WDPCP: variants seen among roughly 807,000 people sequenced by gnomAD.
WDPCP encodes WD repeat-containing and planar cell polarity effector protein fritz homolog.
A neutral mutation model predicts 93.1 loss-of-function variants in WDPCP; 71 were observed. The observed-to-expected ratio is 0.76, with a 90% CI of 0.63 to 0.93. WDPCP has a LOEUF of 0.93. Ranked by LOEUF, WDPCP falls within the 40% of genes least tolerant of loss-of-function variation. The pLI is 0.00. For missense variants in WDPCP, 844 were observed against 887.4 expected (o/e 0.95, Z 0.62); for synonymous variants, 315 against 315.0 (o/e 1.00, Z 0.00).
At chr2:63,450,304 T>C (rs932221296) in intron 6 of WDPCP, among the ~76,000 whole-genome samples, 4 of 152,104 alleles carry the variant, frequency 2.6e-5, no homozygotes, top group South Asian at 2.1e-4. Flanking sequence ...TCCTCCCCCA[T>C]TGCTGAGCAG....
Position 63,347,730 on chromosome 2 carries a change from G to GCCC in WDPCP, c.1748+30653_1748+30655dup, listed in dbSNP as rs5831659. Among the ~76,000 whole-genome samples, 81 of 143,816 alleles carry GCCC rather than the reference G, an allele frequency of 5.6e-4. No individual in the cohort carries two copies. In the Middle Eastern group the frequency reaches 0.01, roughly 18 times the overall value. 94.3% of individuals were successfully genotyped at this position (143,816 alleles called of 152,430 possible). ...AAATAACTTCTGAGAGGGGGAAATT[G>GCCC]CCCCCCCCGCCCCCGACTGGATATT... On this transcript the variant is annotated intron_variant, in intron 12 of 17. Transcript: ENST00000272321.
intron 17 of WDPCP, among the ~76,000 whole-genome samples, chr2:63,126,874 G>A (rs892857875): frequency 6.6e-6 from 1 of 151,608 alleles, no homozygotes; most frequent in Non-Finnish European, 1.5e-5. Flanking sequence ...GTAGAGACAA[G>A]GTCTTGCTAT....
chr2:63,363,897 C>T (rs948605356), intron 12 of WDPCP, among the ~76,000 whole-genome samples: 1 of 151,826 alleles, frequency 6.6e-6, no homozygotes, highest in African/African-American at 2.4e-5. Context: ...CAATTTTTGC[C>T]AGGCACAGTG....
intron 1 of WDPCP, among the ~76,000 whole-genome samples, chr2:63,573,545 T>G (rs567636831): frequency 1.8e-4 from 28 of 152,344 alleles, no homozygotes; most frequent in African/African-American, 6.7e-4. Flanking sequence ...TTTAATCTCT[T>G]AATTCCATCA....
At chr2:63,836,604 T>C in the WDPCP span, among the ~76,000 whole-genome samples, 2 of 152,192 alleles carry the variant, frequency 1.3e-5, no homozygotes, top group Non-Finnish European at 2.9e-5. Context: ...TGAGAGAATA[T>C]AGGGAGTTTA....
At chr2:63,237,517 C>T (rs981065582) in intron 14 of WDPCP, among the ~76,000 whole-genome samples, 8 of 152,038 alleles carry the variant, frequency 5.3e-5, no homozygotes, top group Non-Finnish European at 1.2e-4. Flanking sequence ...CAAAGATACC[C>T]GGCCTTGTAA....
At chr2:63,414,281 G>C (rs1178654051) in intron 9 of WDPCP, among the ~76,000 whole-genome samples, 1 of 152,090 alleles carries the variant, frequency 6.6e-6, no homozygotes, top group Non-Finnish European at 1.5e-5. Flanking sequence ...ATTCCTTAAA[G>C]AACTAAAAGT....
intron 15 of WDPCP, among the ~76,000 whole-genome samples, chr2:63,161,018 C>T (rs1388595631): frequency 6.6e-6 from 1 of 152,210 alleles, no homozygotes; most frequent in Non-Finnish European, 1.5e-5. Context: ...TTGCAGATGA[C>T]ATGTGCTCTT....
At chr2:63,255,470 G>A (rs1681057385) in intron 14 of WDPCP, among the ~76,000 whole-genome samples, 1 of 152,108 alleles carries the variant, frequency 6.6e-6, no homozygotes, top group Non-Finnish European at 1.5e-5. Context: ...ATGGCTTGGT[G>A]CCCTCCCCAT....
chr2:63,725,466 T>C (rs908458218), intron 2 of WDPCP, among the ~76,000 whole-genome samples: 1 of 152,238 alleles, frequency 6.6e-6, no homozygotes, highest in African/African-American at 2.4e-5. Flanking sequence ...TTTAGGTTGA[T>C]TCCATGTCTT....
intron 3 of WDPCP, among the ~76,000 whole-genome samples, chr2:63,617,468 C>T (rs1709685017): frequency 6.6e-6 from 1 of 152,084 alleles, no homozygotes; most frequent in Admixed American, 6.5e-5. Context: ...TACATATGTA[C>T]ACATAGGAGT....
intron 2 of WDPCP, among the ~76,000 whole-genome samples, chr2:63,747,087 T>C (rs1417115038): frequency 2.6e-5 from 4 of 152,142 alleles, no homozygotes; most frequent in East Asian, 1.9e-4. Context: ...AGGACCGACG[T>C]TGAAATATCG....
chr2:63,643,312 G>C, intron 3 of WDPCP: 1 of 381,546 alleles, frequency 2.6e-6, no homozygotes, highest in Non-Finnish European at 5.0e-6. Flanking sequence ...TCTCTCTTCA[G>C]CAATGGTGAG....
intron 2 of WDPCP, among the ~76,000 whole-genome samples, chr2:63,809,742 C>T (rs1670833642): frequency 1.3e-5 from 2 of 151,976 alleles, no homozygotes; most frequent in Admixed American, 1.3e-4. Flanking sequence ...TCACCACTCC[C>T]TAATCTCAAG....
chr2:63,409,529 A>G (rs529763098), intron 9 of WDPCP, among the ~76,000 whole-genome samples: 1 of 152,250 alleles, frequency 6.6e-6, no homozygotes, highest in South Asian at 2.1e-4. Context: ...GTCGCCAGCA[A>G]TGGATCCAAA....
intron 2 of WDPCP, among the ~76,000 whole-genome samples, chr2:63,806,992 TTAAAG>T (rs1239298128): frequency 6.6e-6 from 1 of 151,992 alleles, no homozygotes; most frequent in East Asian, 1.9e-4. Flanking sequence ...GATTAAGAGA[TTAAAG>T]TAAAGACAGG....
At chr2:63,555,473 C>A (rs1706036770) in intron 1 of WDPCP, among the ~76,000 whole-genome samples, 1 of 152,230 alleles carries the variant, frequency 6.6e-6, no homozygotes, top group African/African-American at 2.4e-5. Context: ...TGCAGCACAC[C>A]CTCTCTGCCA....
intron 2 of WDPCP, among the ~76,000 whole-genome samples, chr2:63,771,315 A>G (rs1201967431): frequency 6.6e-6 from 1 of 151,880 alleles, no homozygotes; most frequent in African/African-American, 2.4e-5. Flanking sequence ...TAAATTCCTA[A>G]CAATATAAAA....
chr2:63,793,878 G>C (rs537070775), intron 2 of WDPCP, among the ~76,000 whole-genome samples: 23 of 101,066 alleles, frequency 2.3e-4, no homozygotes, highest in Admixed American at 4.7e-4. Context: ...CATTGTGTGT[G>C]TGTGTGTGTG....
Sources: allele counts gnomAD v4.1 joint callset (sites outside exome capture counted in the v4.1 genomes callset), GRCh38; gene constraint gnomAD v4.1.1; transcripts MANE v1.5; gene names NCBI Gene and HGNC (gene_info 2026-07-23, HGNC 2026-07-21).